Variants in RPS6KC1 observed in about 807,000 individuals in gnomAD.
The protein encoded by RPS6KC1 is ribosomal protein S6 kinase C1, also known as inactive ribosomal protein S6 kinase delta-1.
In RPS6KC1, 54 loss-of-function variants were observed where a neutral mutation model predicts 103.8. That is an observed-to-expected ratio of 0.52 (90% CI 0.42 to 0.65). The LOEUF (loss-of-function observed/expected upper bound fraction) is 0.65. Among genes scored for constraint, RPS6KC1 ranks in the 30% least tolerant of loss-of-function variants. RPS6KC1 has a pLI of 0.00. For missense variants in RPS6KC1, 1,151 were observed against 1,253.8 expected (o/e 0.92, Z 1.24); for synonymous variants, 439 against 438.7 (o/e 1.00, Z -0.01).
intron 8 of RPS6KC1, among the ~76,000 whole-genome samples, chr1:213,217,470 T>A (rs991426369): frequency 6.6e-6 from 1 of 152,230 alleles, no homozygotes; most frequent in Non-Finnish European, 1.5e-5. Flanking sequence ...CTATTCCTTC[T>A]GAAACTATTC....
At chr1:213,372,764 C>T in the RPS6KC1 span, among the ~76,000 whole-genome samples, 4 of 152,086 alleles carry the variant, frequency 2.6e-5, no homozygotes, top group Non-Finnish European at 5.9e-5. Flanking sequence ...ATCCATCTAT[C>T]GCTCTTTTTT....
the RPS6KC1 span, among the ~76,000 whole-genome samples, chr1:213,791,519 C>T: frequency 1.3e-5 from 2 of 152,044 alleles, no homozygotes; most frequent in Non-Finnish European, 2.9e-5. Context: ...TTCTTCTATT[C>T]TCATGGGAAT....
chr1:213,500,346 C>A, the RPS6KC1 span, among the ~76,000 whole-genome samples: 2 of 152,150 alleles, frequency 1.3e-5, no homozygotes, highest in African/African-American at 4.8e-5. Context: ...GGCAATAGCA[C>A]TAACGGCGCG....
chr1:213,487,348 A>G, the RPS6KC1 span, among the ~76,000 whole-genome samples: 2 of 152,280 alleles, frequency 1.3e-5, no homozygotes, highest in South Asian at 4.2e-4. Context: ...GTGAGCCCAC[A>G]TCATACTCCT....
At chr1:213,670,744 T>TGGGGAC in the RPS6KC1 span, among the ~76,000 whole-genome samples, 1 of 152,196 alleles carries the variant, frequency 6.6e-6, no homozygotes, top group Non-Finnish European at 1.5e-5. Context: ...TGTTCATCGG[T>TGGGGAC]GGTGGGGACA....
chr1:213,053,041 A>C (rs540835023), intron 1 of RPS6KC1, among the ~76,000 whole-genome samples: 17 of 152,280 alleles, frequency 1.1e-4, no homozygotes, highest in South Asian at 2.1e-4. Context: ...CCCTGCTTGC[A>C]CTTAAGGTTG....
intron 6 of RPS6KC1, among the ~76,000 whole-genome samples, chr1:213,150,584 A>G (rs1201417248): frequency 1.3e-5 from 2 of 151,102 alleles, no homozygotes; most frequent in East Asian, 1.9e-4. Context: ...AATCCATTCA[A>G]CCCTGAGTGG....
the RPS6KC1 span, among the ~76,000 whole-genome samples, chr1:213,491,931 A>G: frequency 2.2e-3 from 328 of 152,236 alleles, 2 homozygotes; most frequent in South Asian, 9.1e-3. Context: ...GAAACACTAT[A>G]TATAAACTGC....
the RPS6KC1 span, among the ~76,000 whole-genome samples, chr1:213,363,759 CTTCTTTCTTTCTTTCTTTCTTTCT>C: frequency 7.3e-3 from 415 of 56,624 alleles, 58 homozygotes; most frequent in African/African-American, 0.025. Flanking sequence ...CTCTTTCTCT[CTTCTTTCTTTCTTTCTTTCTTTCT>C]TTCTTTCTTT....
the RPS6KC1 span, among the ~76,000 whole-genome samples, chr1:213,617,452 T>G: frequency 1.3e-5 from 2 of 152,152 alleles, no homozygotes; most frequent in Admixed American, 6.5e-5. Flanking sequence ...TAATTTGAAA[T>G]GTACTGAGGG....
chr1:213,692,200 C>T, the RPS6KC1 span, among the ~76,000 whole-genome samples: 2 of 151,954 alleles, frequency 1.3e-5, no homozygotes, highest in South Asian at 2.1e-4. Context: ...GCCAAGAGTT[C>T]GAGACCAGTC....
the RPS6KC1 span, among the ~76,000 whole-genome samples, chr1:213,631,102 C>T: frequency 1.3e-5 from 2 of 152,134 alleles, no homozygotes. Context: ...TTCCAGGTGC[C>T]ATCTGTCACC....
At chr1:213,709,530 G>GT in the RPS6KC1 span, among the ~76,000 whole-genome samples, 68,947 of 151,910 alleles carry the variant, frequency 0.45, 18,219 homozygotes, top group East Asian at 0.67. Flanking sequence ...TTTTTGAAGG[G>GT]TTTTTTGTGC....
the RPS6KC1 span, among the ~76,000 whole-genome samples, chr1:213,514,691 C>T: frequency 9.9e-5 from 15 of 152,078 alleles, no homozygotes; most frequent in South Asian, 6.2e-4. Flanking sequence ...AATAAACATA[C>T]GTGTGCATAT....
chr1:213,381,306 C>T, the RPS6KC1 span, among the ~76,000 whole-genome samples: 3 of 152,108 alleles, frequency 2.0e-5, no homozygotes, highest in African/African-American at 4.8e-5. Flanking sequence ...CTTTCCTCCT[C>T]GCTCCTTCTT....
intron 4 of RPS6KC1, among the ~76,000 whole-genome samples, chr1:213,106,160 G>A (rs1277873129): frequency 6.6e-6 from 1 of 152,036 alleles, no homozygotes; most frequent in Non-Finnish European, 1.5e-5. Context: ...CTTTAACAGC[G>A]TGCTAGGCGG....
chr1:213,071,038 G>T lies in RPS6KC1; in HGVS notation c.138G>T (p.Gln46His). Residue 46 changes from glutamine to histidine, a missense_variant, in exon 2 of 15, where the codon CAG (glutamine) becomes CAT (histidine). By Grantham distance (24) the Gln-to-His change is conservative. Coordinates refer to ENST00000366960, the MANE Select transcript of RPS6KC1 (RefSeq NM_012424.6). Reference sequence around the variant, plus strand: ...CACGAAGAAATCCAGAGGATGTCCAGGAGGTAACATTTATATGAAGATTTT... The same window carrying T: ...CACGAAGAAATCCAGAGGATGTCCATGAGGTAACATTTATATGAAGATTTT... ...VVSRRNPEDV[Q>H]EIIVWKRYSD... is the part of the protein sequence containing the mutation. The T allele has an allele frequency of 6.5e-7, 1 of 1,536,606 alleles. No individual in the cohort carries two copies. The highest frequency in any genetic ancestry group is 8.9e-7 in the Non-Finnish European group (1 of 1,128,458).
chr1:213,765,946 T>C, the RPS6KC1 span, among the ~76,000 whole-genome samples: 1 of 152,254 alleles, frequency 6.6e-6, no homozygotes, highest in Non-Finnish European at 1.5e-5. Context: ...TTTCTGTATT[T>C]TAAGCTTGAT....
chr1:213,327,236 A>AAAAAG, the RPS6KC1 span, among the ~76,000 whole-genome samples: 9 of 144,692 alleles, frequency 6.2e-5, no homozygotes, highest in South Asian at 2.3e-4. Flanking sequence ...GAAAGAAAAG[A>AAAAAG]AAAGAAAGAA....
Sources: allele counts gnomAD v4.1 joint callset (sites outside exome capture counted in the v4.1 genomes callset), GRCh38; gene constraint gnomAD v4.1.1; transcripts MANE v1.5; gene names NCBI Gene and HGNC (gene_info 2026-07-23, HGNC 2026-07-21).